NELL1: variants seen among roughly 807,000 people sequenced by gnomAD.
The protein encoded by NELL1 is protein kinase C-binding protein NELL1.
In NELL1, 76 loss-of-function variants were observed where a neutral mutation model predicts 107.4. That is an observed-to-expected ratio of 0.71 (90% confidence interval 0.59 to 0.86). The LOEUF (loss-of-function observed/expected upper bound fraction) is 0.86, where lower values mean the gene tolerates loss of function less well. Among genes scored for constraint, NELL1 ranks in the 40% least tolerant of loss-of-function variants. The pLI, the probability that NELL1 is intolerant of heterozygous loss-of-function variation, is 0.00. For synonymous variants in NELL1, 353 were observed against 341.2 expected (o/e 1.03, Z -0.38); for missense variants, 1,024 against 1,005.5 (o/e 1.02, Z -0.25).
chr11:21,105,436 T>C (rs1388744060), intron 12 of NELL1, among the ~76,000 whole-genome samples: 3 of 152,098 alleles, frequency 2.0e-5, no homozygotes, highest in African/African-American at 7.2e-5. Context: ...CCCACCTTAA[T>C]CTTTTATTAT....
chr11:21,466,637 C>A (rs1854039378), intron 15 of NELL1, among the ~76,000 whole-genome samples: 1 of 152,084 alleles, frequency 6.6e-6, no homozygotes, highest in Non-Finnish European at 1.5e-5. Flanking sequence ...GACCCCAGTG[C>A]ATAAAATGGA....
intron 12 of NELL1, among the ~76,000 whole-genome samples, chr11:21,023,503 T>G (rs543380829): frequency 1.3e-5 from 2 of 152,252 alleles, no homozygotes; most frequent in South Asian, 4.1e-4. Flanking sequence ...GTGTGTTTAC[T>G]TATATTTTCT....
At chr11:21,274,098 T>A (rs537919700) in intron 14 of NELL1, among the ~76,000 whole-genome samples, 140 of 152,250 alleles carry the variant, frequency 9.2e-4, no homozygotes, top group African/African-American at 3.0e-3. Context: ...ATTAAAAGAC[T>A]CAGACTGGCA....
chr11:20,748,907 G>C (rs3993122), intron 2 of NELL1, among the ~76,000 whole-genome samples: 9 of 44,836 alleles, frequency 2.0e-4, no homozygotes, highest in Non-Finnish European at 3.8e-4. Context: ...CATCCACCCA[G>C]CCACCCATCC....
intron 3 of NELL1, among the ~76,000 whole-genome samples, chr11:20,806,837 T>G (rs1052153524): frequency 1.3e-5 from 2 of 152,164 alleles, no homozygotes; most frequent in African/African-American, 4.8e-5. Context: ...TTAAAATACT[T>G]TGATGCATTC....
intron 15 of NELL1, among the ~76,000 whole-genome samples, chr11:21,470,774 A>G (rs1854158571): frequency 6.6e-6 from 1 of 152,082 alleles, no homozygotes; most frequent in African/African-American, 2.4e-5. Flanking sequence ...GATTCATAGG[A>G]TGCACTGTGC....
chr11:20,671,510 G>A (rs1158119538), intron 1 of NELL1, among the ~76,000 whole-genome samples: 2 of 152,198 alleles, frequency 1.3e-5, no homozygotes, highest in African/African-American at 2.4e-5. Flanking sequence ...AATGGAACGT[G>A]TTTCAGGGTT....
chr11:21,259,128 A>G (rs1858842451), intron 14 of NELL1, among the ~76,000 whole-genome samples: 1 of 151,906 alleles, frequency 6.6e-6, no homozygotes, highest in African/African-American at 2.4e-5. Flanking sequence ...CTGAGGTAAC[A>G]CCTAAAAACA....
intron 3 of NELL1, among the ~76,000 whole-genome samples, chr11:20,838,332 A>G (rs1848568098): frequency 6.7e-6 from 1 of 149,230 alleles, no homozygotes; most frequent in Non-Finnish European, 1.5e-5. Context: ...AAACAAATGT[A>G]TCGTAGCATC....
At position 20,898,995 on chromosome 11, in the gene NELL1, A is replaced by C. The variant is rs796913847; in HGVS notation, c.603+13455A>C. ...TCTTTAATAAAAATGTTTACTAAAC[A>C]TATATGCATAGTAGGTAATTAGAGG... On this transcript the variant is annotated intron_variant, in intron 5 of 19. Transcript: ENST00000357134. 1.6e-4 allele frequency among the ~76,000 whole-genome samples: 25 copies of C among 152,244 alleles called. 1 individual carries two copies. Among genetic ancestry groups the C allele is most frequent in the African/African-American group, 5.3e-4 (22 of 41,552 alleles).
At chr11:21,484,549 G>A (rs1854578572) in intron 15 of NELL1, among the ~76,000 whole-genome samples, 1 of 151,462 alleles carries the variant, frequency 6.6e-6, no homozygotes. Flanking sequence ...TATATATGTA[G>A]GCTTGTGTTT....
intron 12 of NELL1, among the ~76,000 whole-genome samples, chr11:20,994,299 A>G (rs1023542076): frequency 6.6e-6 from 1 of 152,228 alleles, no homozygotes; most frequent in Non-Finnish European, 1.5e-5. Flanking sequence ...ATGAAAAAAC[A>G]TGAAGATTCT....
intron 12 of NELL1, among the ~76,000 whole-genome samples, chr11:21,054,891 T>G (rs1853576646): frequency 6.6e-6 from 1 of 152,120 alleles, no homozygotes; most frequent in African/African-American, 2.4e-5. Flanking sequence ...CAGACATTTT[T>G]GATTTATGTC....
chr11:21,380,036 G>A (rs1851574062), intron 15 of NELL1, among the ~76,000 whole-genome samples: 1 of 152,050 alleles, frequency 6.6e-6, no homozygotes, highest in South Asian at 2.1e-4. Flanking sequence ...TGTGGCAAGG[G>A]CATCTGGGGG....
chr11:20,735,925 G>A (rs749348725), intron 2 of NELL1, among the ~76,000 whole-genome samples: 15 of 152,090 alleles, frequency 9.9e-5, no homozygotes, highest in Non-Finnish European at 2.1e-4. Context: ...GCAGTAGAGG[G>A]GTTGCTAATT....
At chr11:21,453,495 A>T (rs988899992) in intron 15 of NELL1, among the ~76,000 whole-genome samples, 2 of 152,134 alleles carry the variant, frequency 1.3e-5, no homozygotes, top group African/African-American at 4.8e-5. Context: ...TTATGTCTCC[A>T]TATCTTTAAA....
At chr11:21,272,124 G>A (rs1007866887) in intron 14 of NELL1, among the ~76,000 whole-genome samples, 53 of 152,332 alleles carry the variant, frequency 3.5e-4, no homozygotes, top group South Asian at 1.4e-3. Context: ...CCCAGGAAGC[G>A]CAAGGGGTCA....
intron 14 of NELL1, among the ~76,000 whole-genome samples, chr11:21,323,901 T>C (rs903764034): frequency 3.3e-5 from 5 of 152,124 alleles, no homozygotes; most frequent in African/African-American, 9.7e-5. Flanking sequence ...TTGAATGATA[T>C]TAGGTGTTTA....
chr11:21,149,238 G>A (rs1418708820), intron 13 of NELL1, among the ~76,000 whole-genome samples: 2 of 152,194 alleles, frequency 1.3e-5, no homozygotes, highest in South Asian at 4.1e-4. Context: ...ACTGTATCAT[G>A]TAGGTTTATA....
Sources: allele counts gnomAD v4.1 joint callset (sites outside exome capture counted in the v4.1 genomes callset), GRCh38; gene constraint gnomAD v4.1.1; transcripts MANE v1.5; gene names NCBI Gene and HGNC (gene_info 2026-07-23, HGNC 2026-07-21).